Variants in PTPRD observed in about 807,000 individuals in gnomAD.
The protein encoded by PTPRD is receptor-type tyrosine-protein phosphatase delta.
A neutral mutation model predicts 214.5 loss-of-function variants in PTPRD; 34 were observed. The observed-to-expected ratio is 0.16, with a 90% CI of 0.12 to 0.21. The LOEUF (loss-of-function observed/expected upper bound fraction) is 0.21. PTPRD is among the 10% of genes least tolerant of loss of function. PTPRD has a pLI of 1.00. For synonymous variants in PTPRD, 1,128 were observed against 845.7 expected, an observed-to-expected ratio of 1.33 and a Z score of -5.79; for missense variants, 2,545 against 2,398.7, an observed-to-expected ratio of 1.06 and a Z score of -1.27.
chr9:9,009,845 C>A (rs1179545461), intron 11 of PTPRD, among the ~76,000 whole-genome samples: 1 of 151,886 alleles, frequency 6.6e-6, no homozygotes, highest in Non-Finnish European at 1.5e-5. Flanking sequence ...ATAATTTATA[C>A]TAATCTTCAT....
At chr9:9,868,485 G>A (rs879461618) in intron 5 of PTPRD, among the ~76,000 whole-genome samples, 2 of 151,942 alleles carry the variant, frequency 1.3e-5, no homozygotes, top group African/African-American at 2.4e-5. Context: ...AGACATTGTA[G>A]TCAAGAGAGA....
intron 37 of PTPRD, among the ~76,000 whole-genome samples, chr9:8,383,834 T>C (rs536611385): frequency 9.9e-5 from 15 of 152,152 alleles, no homozygotes; most frequent in Non-Finnish European, 1.2e-4. Flanking sequence ...GTCTCTACTA[T>C]GGGCAAGGAA....
chr9:8,949,717 C>T (rs2099091477), intron 11 of PTPRD, among the ~76,000 whole-genome samples: 1 of 152,110 alleles, frequency 6.6e-6, no homozygotes, highest in Admixed American at 6.6e-5. Context: ...TCAACTGCTA[C>T]TGAAAATATT....
intron 7 of PTPRD, among the ~76,000 whole-genome samples, chr9:9,688,245 A>C (rs766260397): frequency 1.5e-4 from 23 of 151,894 alleles, no homozygotes; most frequent in Non-Finnish European, 3.2e-4. Flanking sequence ...TGGCCTTTTA[A>C]AACCAAAATC....
chr9:8,988,119 AG>A (rs2099352763), intron 11 of PTPRD, among the ~76,000 whole-genome samples: 1 of 152,048 alleles, frequency 6.6e-6, no homozygotes, highest in Non-Finnish European at 1.5e-5. Context: ...CAGCTAAGAT[AG>A]GAAGGCATTT....
At position 8,499,806 on chromosome 9, in the gene PTPRD, C is replaced by T. The variant is rs1563860110; in HGVS notation, c.2163G>A (p.Glu721=). The change falls in exon 25 of 46, where the codon GAG becomes GAA. Residue 721 remains glutamate (E), a synonymous_variant. Coordinates refer to ENST00000381196, the MANE Select transcript of PTPRD (RefSeq NM_002839.4). ...PSGPPRKVEV[E]AVNSTSVKVS... ...CTTTAACAGATGTTGAGTTGACAGCCTCTACCTCGACTTTGCGAGGAGGAC... is the reference window on the plus strand; with the variant it reads ...CTTTAACAGATGTTGAGTTGACAGCTTCTACCTCGACTTTGCGAGGAGGAC... 8 of 1,612,960 alleles carry T rather than the reference C, an allele frequency of 5.0e-6. No homozygotes were observed. Among genetic ancestry groups the T allele is most frequent in the Non-Finnish European group, 5.9e-6 (7 of 1,179,632 alleles).
chr9:8,782,596 C>CTT (rs35513651), intron 11 of PTPRD, among the ~76,000 whole-genome samples: 8 of 117,354 alleles, frequency 6.8e-5, no homozygotes, highest in Admixed American at 1.8e-4. Context: ...ATACTTAACG[C>CTT]TTTTTTTTTT....
intron 3 of PTPRD, among the ~76,000 whole-genome samples, chr9:10,336,708 A>C (rs890386585): frequency 7.9e-5 from 12 of 151,548 alleles, no homozygotes; most frequent in African/African-American, 2.9e-4. Context: ...GAGGGGAGAC[A>C]AAAAAGTCGA....
intron 12 of PTPRD, among the ~76,000 whole-genome samples, chr9:8,656,086 T>C (rs1179707209): frequency 6.6e-6 from 1 of 152,122 alleles, no homozygotes; most frequent in Non-Finnish European, 1.5e-5. Flanking sequence ...GAAAAAAACA[T>C]TTTTTAACAT....
At chr9:8,477,980 A>C (rs12341185) in intron 30 of PTPRD, among the ~76,000 whole-genome samples, 4 of 151,978 alleles carry the variant, frequency 2.6e-5, no homozygotes, top group African/African-American at 9.7e-5. Flanking sequence ...GCTATAAAAT[A>C]AGGAGCACCA....
At chr9:8,660,237 T>G (rs1181195886) in intron 12 of PTPRD, among the ~76,000 whole-genome samples, 1 of 151,436 alleles carries the variant, frequency 6.6e-6, no homozygotes, top group African/African-American at 2.5e-5. Context: ...GAAGAATCAA[T>G]AATCTAAGCT....
intron 5 of PTPRD, among the ~76,000 whole-genome samples, chr9:9,873,983 C>T (rs899136652): frequency 6.6e-6 from 1 of 152,038 alleles, no homozygotes; most frequent in African/African-American, 2.4e-5. Flanking sequence ...CAAATATGAC[C>T]AAGAGACCAA....
chr9:8,412,288 G>C (rs951350535), intron 35 of PTPRD, among the ~76,000 whole-genome samples: 1 of 152,102 alleles, frequency 6.6e-6, no homozygotes, highest in African/African-American at 2.4e-5. Context: ...AAACATTAAA[G>C]AGTATGGCAA....
intron 5 of PTPRD, among the ~76,000 whole-genome samples, chr9:9,781,584 G>A (rs1449895142): frequency 6.6e-6 from 1 of 152,144 alleles, no homozygotes; most frequent in Non-Finnish European, 1.5e-5. Flanking sequence ...CAGGAAGTCT[G>A]AAGCACCAAG....
chr9:10,485,963 C>T (rs887470389), intron 2 of PTPRD, among the ~76,000 whole-genome samples: 1 of 151,606 alleles, frequency 6.6e-6, no homozygotes, highest in Non-Finnish European at 1.5e-5. Context: ...CTTTCATATG[C>T]TCATTGGCTG....
chr9:9,873,939 A>G (rs1004932206), intron 5 of PTPRD, among the ~76,000 whole-genome samples: 9 of 152,154 alleles, frequency 5.9e-5, no homozygotes, highest in African/African-American at 1.9e-4. Flanking sequence ...TTGAAGTAGT[A>G]ATAGTGTATA....
chr9:9,585,563 C>T (rs2091792901), intron 7 of PTPRD, among the ~76,000 whole-genome samples: 1 of 152,004 alleles, frequency 6.6e-6, no homozygotes, highest in Non-Finnish European at 1.5e-5. Context: ...CCACTTTGCT[C>T]CTTGGATTTT....
intron 3 of PTPRD, among the ~76,000 whole-genome samples, chr9:10,164,171 T>C (rs72696943): frequency 0.054 from 8,228 of 151,544 alleles, 326 homozygotes; most frequent in Admixed American, 0.11. Flanking sequence ...TGAGGGATTA[T>C]AAAATACAGA....
At chr9:9,009,303 T>A (rs10816032) in intron 11 of PTPRD, among the ~76,000 whole-genome samples, 2 of 151,956 alleles carry the variant, frequency 1.3e-5, no homozygotes, top group Admixed American at 1.3e-4. Flanking sequence ...TTCTAAGTCA[T>A]AGAAAGGCTA....
Sources: allele counts gnomAD v4.1 joint callset (sites outside exome capture counted in the v4.1 genomes callset), GRCh38; gene constraint gnomAD v4.1.1; transcripts MANE v1.5; gene names NCBI Gene and HGNC (gene_info 2026-07-23, HGNC 2026-07-21).